The following FZD3 variants were observed in gnomAD, a reference collection of about 807,000 sequenced individuals.
FZD3 encodes the protein frizzled-3.
A neutral mutation model predicts 60.7 loss-of-function variants in FZD3; 30 were observed. The ratio of observed to expected loss-of-function variants is 0.49; its 90% CI spans 0.37 to 0.67. FZD3 has a LOEUF of 0.67. FZD3 is among the 30% of genes least tolerant of loss of function. FZD3 has a pLI of 0.00. For synonymous variants in FZD3, 246 were observed against 275.2 expected (o/e 0.89, Z 1.05); for missense variants, 605 against 838.7 (o/e 0.72, Z 3.44).
intron 3 of FZD3, among the ~76,000 whole-genome samples, chr8:28,504,511 G>A (rs1001802138): frequency 1.3e-5 from 2 of 152,134 alleles, no homozygotes; most frequent in African/African-American, 4.8e-5. Flanking sequence ...TAAGAAGCAG[G>A]TCATAAAGAT....
At position 28,498,461 on chromosome 8, in the gene FZD3, A is replaced by G. The variant is rs566341826; in HGVS notation, c.-390-1472A>G. 3.3e-4 allele frequency among the ~76,000 whole-genome samples: 50 copies of G among 152,342 alleles called. 1 individual carries two copies. The highest frequency in any genetic ancestry group is 6.0e-4 in the African/African-American group (25 of 41,582). ...TGGAACTTCAACTTACAGCTTTTCC[A>G]TGGATGACCTTACCTTAGGAAAAAT... On this transcript the variant is annotated intron_variant, in intron 1 of 7. Coordinates refer to ENST00000240093, the MANE Select transcript of FZD3 (RefSeq NM_017412.4).
At chr8:28,494,758 GA>G (rs1228272065) in intron 1 of FZD3, among the ~76,000 whole-genome samples, 1 of 152,062 alleles carries the variant, frequency 6.6e-6, no homozygotes, top group Non-Finnish European at 1.5e-5. Context: ...CTGCGCGGCG[GA>G]GAGAGGGGCC....
At chr8:28,510,412 C>T (rs539277163) in intron 3 of FZD3, among the ~76,000 whole-genome samples, 3 of 152,160 alleles carry the variant, frequency 2.0e-5, no homozygotes, top group African/African-American at 4.8e-5. Context: ...ATTTTGCATT[C>T]CCACTAGTAA....
chr8:28,497,212 G>A (rs1194438541), intron 1 of FZD3, among the ~76,000 whole-genome samples: 1 of 152,156 alleles, frequency 6.6e-6, no homozygotes, highest in Non-Finnish European at 1.5e-5. Flanking sequence ...GTTATTTGTT[G>A]TAATCAGTAG....
Position 28,551,641 on chromosome 8 carries a change from G to C in FZD3, c.1443G>C (p.Leu481=). The C allele has an allele frequency of 6.2e-7, 1 of 1,610,230 alleles. No individual in the cohort carries two copies. ...GTCGTCCAGACTTGATTCTCTTTCT[G>C]ATGAAATACCTGATGGCTCTCATAG... ...QMSRPDLILF[L]MKYLMALIVG... The change falls in exon 6 of 8, where the codon CTG becomes CTC. Residue 481 remains leucine (L), a synonymous_variant. Transcript: ENST00000240093.
At chr8:28,547,276 A>G (rs1380641755) in intron 5 of FZD3, among the ~76,000 whole-genome samples, 2 of 152,212 alleles carry the variant, frequency 1.3e-5, no homozygotes, top group Non-Finnish European at 2.9e-5. Flanking sequence ...AGTCTTCCTC[A>G]GTATCTTTTC....
intron 7 of FZD3, among the ~76,000 whole-genome samples, chr8:28,561,906 A>G (rs367698819): frequency 3.7e-4 from 57 of 152,292 alleles, no homozygotes; most frequent in African/African-American, 1.4e-3. Context: ...GTCATAATTG[A>G]TTTTCCTGAC....
At chr8:28,495,002 GGTTTGCCGTGGGGT>G (rs2130242864) in intron 1 of FZD3, among the ~76,000 whole-genome samples, 1 of 152,366 alleles carries the variant, frequency 6.6e-6, no homozygotes, top group African/African-American at 2.4e-5. Flanking sequence ...GCGGGCTGTG[GGTTTGCCGTGGGGT>G]GGCTGCTGCT....
chr8:28,497,306 C>A (rs1472213836), intron 1 of FZD3, among the ~76,000 whole-genome samples: 2 of 152,088 alleles, frequency 1.3e-5, no homozygotes, highest in African/African-American at 4.8e-5. Context: ...AATCTAGGTC[C>A]TGTGAATTAA....
chr8:28,540,381 C>G (rs936789453), intron 5 of FZD3, among the ~76,000 whole-genome samples: 1 of 152,076 alleles, frequency 6.6e-6, no homozygotes, highest in Admixed American at 6.6e-5. Context: ...AGGCGCCCAC[C>G]ACCACACCAG....
intron 2 of FZD3, among the ~76,000 whole-genome samples, chr8:28,502,248 T>C (rs540540466): frequency 5.9e-5 from 9 of 152,292 alleles, no homozygotes; most frequent in African/African-American, 1.9e-4. Flanking sequence ...CATCAGTTAA[T>C]ACAAAAATAT....
At chr8:28,525,933 A>G (rs1453251556) in intron 4 of FZD3, among the ~76,000 whole-genome samples, 2 of 152,018 alleles carry the variant, frequency 1.3e-5, no homozygotes, top group Non-Finnish European at 2.9e-5. Flanking sequence ...AAGATAAGGG[A>G]CATCAAGGAT....
At chr8:28,543,453 T>C (rs1007955607) in intron 5 of FZD3, among the ~76,000 whole-genome samples, 8 of 152,128 alleles carry the variant, frequency 5.3e-5, no homozygotes, top group African/African-American at 1.9e-4. Context: ...CAGTCTCGGC[T>C]CACTGCACCC....
At chr8:28,553,076 A>C (rs1384881567) in intron 6 of FZD3, among the ~76,000 whole-genome samples, 1 of 152,204 alleles carries the variant, frequency 6.6e-6, no homozygotes, top group African/African-American at 2.4e-5. Context: ...GGGGGTCCTG[A>C]AACCACTCTC....
intron 5 of FZD3, among the ~76,000 whole-genome samples, chr8:28,549,576 C>T (rs1563403504): frequency 6.6e-6 from 1 of 151,974 alleles, no homozygotes; most frequent in Non-Finnish European, 1.5e-5. Context: ...TATCTAATTG[C>T]AGTCTAGAGC....
chr8:28,565,491 T>C lies in FZD3; in HGVS notation c.*2480T>C, dbSNP rs1287705542. 6.6e-6 allele frequency: 1 copy of C among 152,200 alleles called. No individual in the cohort carries two copies. Among genetic ancestry groups the C allele is most frequent in the Non-Finnish European group, 1.5e-5 (1 of 68,006 alleles). 9.4% of individuals were successfully genotyped at this position (152,200 alleles called of 1,614,324 possible). A position where few individuals can be genotyped will look rare whatever the true frequency, so the allele number is the denominator to read the frequency against. ...GAAGGTACCAGTTTGGGCTCGAAGA[T>C]GTTGTCATCCATTGCCATCTGCATT... On this transcript the variant is annotated 3_prime_UTR_variant, in exon 8 of 8. Transcript: ENST00000240093.
At chr8:28,499,339 C>T (rs1486679951) in intron 1 of FZD3, among the ~76,000 whole-genome samples, 1 of 152,056 alleles carries the variant, frequency 6.6e-6, no homozygotes, top group East Asian at 1.9e-4. Flanking sequence ...TCCACAAATA[C>T]AGGTTTATGC....
At chr8:28,543,706 T>C (rs1175669167) in intron 5 of FZD3, among the ~76,000 whole-genome samples, 3 of 151,688 alleles carry the variant, frequency 2.0e-5, no homozygotes, top group Non-Finnish European at 2.9e-5. Context: ...TGAGATTTTC[T>C]CTTTTTGTAA....
Position 28,571,245 on chromosome 8 carries a change from C to G in FZD3, c.*8234C>G, listed in dbSNP as rs577007865. Reference sequence around the variant, plus strand: ...TTCCTATTTCTCTACTCCTCCCATTCTCCATTTTTAAAAGGAAATTAACAA... The same window carrying G: ...TTCCTATTTCTCTACTCCTCCCATTGTCCATTTTTAAAAGGAAATTAACAA... On this transcript the variant is annotated 3_prime_UTR_variant, in exon 8 of 8. Transcript: ENST00000240093. The G allele has an allele frequency of 1.3e-5, 2 of 152,250 alleles. No homozygotes were observed. The highest frequency in any genetic ancestry group is 3.9e-4 in the East Asian group (2 of 5,182). The allele number at this position is 152,250 out of a possible 1,614,324, so 9.4% of individuals were successfully genotyped here. A position where few individuals can be genotyped will look rare whatever the true frequency, so the allele number is the denominator to read the frequency against.
Sources: allele counts gnomAD v4.1 joint callset (sites outside exome capture counted in the v4.1 genomes callset), GRCh38; gene constraint gnomAD v4.1.1; transcripts MANE v1.5; gene names NCBI Gene and HGNC (gene_info 2026-07-23, HGNC 2026-07-21).